Variants in ARHGAP32 observed in about 807,000 individuals in gnomAD.
The protein encoded by ARHGAP32 is Rho GTPase activating protein 32.
In ARHGAP32, 51 loss-of-function variants were observed where a neutral mutation model predicts 186.5. The ratio of observed to expected loss-of-function variants is 0.27; its 90% CI spans 0.22 to 0.35. ARHGAP32 has a LOEUF of 0.35. Among genes scored for constraint, ARHGAP32 ranks in the 10% least tolerant of loss-of-function variants. The probability of loss-of-function intolerance (pLI) is 1.00; values close to 1 mark genes in which losing one functional copy is unlikely to be tolerated. For synonymous variants in ARHGAP32, 950 were observed against 964.3 expected, an observed-to-expected ratio of 0.99 and a Z score of 0.27; for missense variants, 2,186 against 2,623.5, an observed-to-expected ratio of 0.83 and a Z score of 3.64.
chr11:128,998,470 T>TA lies in ARHGAP32; in HGVS notation c.1046-3dup. On this transcript the variant is annotated splice_region_variant and splice_polypyrimidine_tract_variant and intron_variant, in intron 11 of 22. Transcript: ENST00000682385. Reference sequence around the variant, plus strand: ...TGAGCTTGCCGTGCTTTTTAGACACTAAAAATCAATAAAGAGAAAAGATCT... The same window carrying TA: ...TGAGCTTGCCGTGCTTTTTAGACACTAAAAAATCAATAAAGAGAAAAGATCT... 6.5e-7 allele frequency: 1 copy of TA among 1,527,416 alleles called. No homozygotes were observed. The highest frequency in any genetic ancestry group is 8.8e-7 in the Non-Finnish European group (1 of 1,130,488). The allele number at this position is 1,527,416 out of a possible 1,614,324, so 94.6% of individuals were successfully genotyped here. A position where few individuals can be genotyped will look rare whatever the true frequency, so the allele number is the denominator to read the frequency against.
intron 2 of ARHGAP32, among the ~76,000 whole-genome samples, chr11:129,145,556 T>G (rs1384239534): frequency 6.6e-6 from 1 of 152,092 alleles, no homozygotes; most frequent in East Asian, 1.9e-4. Context: ...TTAAAAATTT[T>G]TTGAAAGGCT....
At chr11:128,976,730 G>C in intron 19 of ARHGAP32, 96 bp from the exon 20 acceptor site, 1 of 1,025,180 alleles carries the variant, frequency 9.8e-7, no homozygotes, top group Middle Eastern at 2.0e-4. Context: ...AAACTTTTGA[G>C]AGTGATTAGC....
In ARHGAP32 at chr11:129,113,563, T is replaced by A. The variant is rs187005208; in HGVS notation, c.444+9883A>T. On this transcript the variant is annotated intron_variant, in intron 5 of 22. Transcript: ENST00000682385. ...CATTCATGACATACCTTTTTCTTAG[T>A]TTTTTTCCAGATTTCTAGGCTGCAT... Among the ~76,000 whole-genome samples the A allele has an allele frequency of 4.9e-3, 742 of 152,118 alleles. 12 individuals are homozygous for A. Among genetic ancestry groups the A allele is most frequent in the African/African-American group, 0.017 (701 of 41,538 alleles).
In ARHGAP32 at chr11:129,123,514, C is replaced by T. The variant is rs1218917564; in HGVS notation, c.376G>A (p.Gly126Ser). 1.9e-6 allele frequency: 3 copies of T among 1,612,378 alleles called. No homozygotes were observed. The African/African-American group carries it at 4.0e-5, about 22-fold the overall frequency. ...CATTCAGCCATCTTCGGAAAGTGAC[C>T]TTTAGTGAAGGGTAACCTGAAACAC... ...DNIHRLPFTK[G>S]HFPKMAECAH... The change falls in exon 5 of 23, where the codon GGT (glycine) becomes AGT (serine). Residue 126 changes from glycine (G) to serine (S), a missense_variant. Gly to Ser is a moderately conservative substitution (Grantham distance 56). Coordinates refer to ENST00000682385, the MANE Select transcript of ARHGAP32 (RefSeq NM_001378024.1). The surrounding 1 kb of genome is among the most constrained non-coding windows in gnomAD (Gnocchi z 4.6).
chr11:129,009,541 T>C (rs1391267059), intron 11 of ARHGAP32, among the ~76,000 whole-genome samples: 2 of 151,796 alleles, frequency 1.3e-5, no homozygotes, highest in East Asian at 1.9e-4. Context: ...CATGCATCCA[T>C]GTGTTCTCAT....
At chr11:129,168,688 C>A (rs529050222) in intron 1 of ARHGAP32, among the ~76,000 whole-genome samples, 1 of 152,220 alleles carries the variant, frequency 6.6e-6, no homozygotes, top group Admixed American at 6.5e-5. Context: ...CTAAACCCAA[C>A]AACTACAAAA....
At chr11:129,103,946 G>A (rs1306639419) in intron 5 of ARHGAP32, among the ~76,000 whole-genome samples, 1 of 152,022 alleles carries the variant, frequency 6.6e-6, no homozygotes, top group Admixed American at 6.6e-5. Context: ...CTGCAGGAAG[G>A]AATAAACAGT....
chr11:129,100,749 AGAAGGCACCTAGACCTGC>A (rs1941873072), intron 5 of ARHGAP32, among the ~76,000 whole-genome samples: 2 of 152,236 alleles, frequency 1.3e-5, no homozygotes, highest in Middle Eastern at 6.8e-3. Flanking sequence ...TGTGGCACAG[AGAAGGCACCTAGACCTGC>A]GCCCACCAGC....
At chr11:129,161,496 G>T (rs1943529238) in intron 2 of ARHGAP32, among the ~76,000 whole-genome samples, 1 of 151,802 alleles carries the variant, frequency 6.6e-6, no homozygotes. Flanking sequence ...CAAAGTATAT[G>T]AACAGACACT....
intron 11 of ARHGAP32, among the ~76,000 whole-genome samples, chr11:129,033,754 A>G (rs949914798): frequency 6.6e-6 from 1 of 152,144 alleles, no homozygotes. Flanking sequence ...ATTTTTGTGT[A>G]TGGGGTTAAA....
At chr11:129,069,872 G>A (rs980182108) in intron 6 of ARHGAP32, among the ~76,000 whole-genome samples, 4 of 151,960 alleles carry the variant, frequency 2.6e-5, no homozygotes, top group African/African-American at 9.7e-5. Context: ...ATGTAGTCCT[G>A]CATTTTTTGG....
intron 2 of ARHGAP32, among the ~76,000 whole-genome samples, chr11:129,161,653 C>G (rs1266728134): frequency 1.3e-5 from 2 of 152,106 alleles, no homozygotes. Flanking sequence ...ACAACAGATG[C>G]TGGAGAGGAT....
At chr11:129,183,145 A>G (rs1944090354) in intron 1 of ARHGAP32, among the ~76,000 whole-genome samples, 1 of 152,054 alleles carries the variant, frequency 6.6e-6, no homozygotes, top group Admixed American at 6.6e-5. Flanking sequence ...AAATATTCCT[A>G]TGAACGTGGG....
chr11:129,086,022 A>C (rs1467311555), intron 6 of ARHGAP32, among the ~76,000 whole-genome samples: 2 of 151,516 alleles, frequency 1.3e-5, no homozygotes, highest in Non-Finnish European at 2.9e-5. Context: ...ACAAACAAAA[A>C]AAAAAAACAA....
chr11:129,016,981 G>A (rs976076244), intron 11 of ARHGAP32, among the ~76,000 whole-genome samples: 4 of 152,072 alleles, frequency 2.6e-5, no homozygotes, highest in African/African-American at 9.7e-5. Context: ...GTTATAAAAT[G>A]GTGTTTTCTA....
At chr11:129,133,577 T>C (rs1942867592) in intron 2 of ARHGAP32, among the ~76,000 whole-genome samples, 1 of 152,174 alleles carries the variant, frequency 6.6e-6, no homozygotes, top group South Asian at 2.1e-4. Context: ...TGACTGTGGA[T>C]TTCTCATCAG....
chr11:129,188,306 G>C (rs10437708), intron 1 of ARHGAP32, among the ~76,000 whole-genome samples: 2,191 of 152,226 alleles, frequency 0.014, 19 homozygotes, highest in South Asian at 0.032. Context: ...CATTAAAACT[G>C]GCTGGGAAGC....
intron 1 of ARHGAP32, among the ~76,000 whole-genome samples, chr11:129,236,543 T>C (rs1944938192): frequency 6.6e-6 from 1 of 152,214 alleles, no homozygotes; most frequent in African/African-American, 2.4e-5. Context: ...ATTATTTCTT[T>C]TGCTGTGCAA....
At chr11:129,046,655 G>T (rs537955455) in intron 10 of ARHGAP32, among the ~76,000 whole-genome samples, 1 of 152,122 alleles carries the variant, frequency 6.6e-6, no homozygotes, top group Non-Finnish European at 1.5e-5. Flanking sequence ...AAATACTTTG[G>T]TGTAACTTAA....
Sources: gnomAD v4.1 joint callset for allele counts (sites outside exome capture counted in the v4.1 genomes callset) on GRCh38, gnomAD v4.1.1 for gene constraint, Gnocchi (gnomAD v3.1) non-coding constraint, MANE v1.5 for transcripts, NCBI Gene and HGNC (gene_info 2026-07-23, HGNC 2026-07-21) for gene names.